TCERG1L: variants seen among roughly 807,000 people sequenced by gnomAD.
TCERG1L encodes the protein transcription elongation regulator 1 like, also known as transcription elongation regulator 1-like protein.
TCERG1L carries 37 observed loss-of-function variants against 56.3 expected under a neutral mutation model. That is an observed-to-expected ratio of 0.66 (90% CI 0.51 to 0.87). The LOEUF (loss-of-function observed/expected upper bound fraction) is 0.87, where lower values mean the gene tolerates loss of function less well. TCERG1L is among the 40% of genes least tolerant of loss of function. The pLI is 0.00. For missense variants in TCERG1L, 799 were observed against 774.2 expected (o/e 1.03, Z -0.38); for synonymous variants, 324 against 326.3 (o/e 0.99, Z 0.08).
intron 6 of TCERG1L, chr10:131,162,155 T>G (rs1390789442): frequency 6.6e-6 from 1 of 152,168 alleles, no homozygotes; most frequent in African/African-American, 2.4e-5. Flanking sequence ...TAACTCCCAG[T>G]AGTTAGCATC....
At chr10:131,262,053 T>C (rs1846241942) in intron 3 of TCERG1L, among the ~76,000 whole-genome samples, 1 of 151,874 alleles carries the variant, frequency 6.6e-6, no homozygotes, top group African/African-American at 2.4e-5. Flanking sequence ...AGGCACAGCA[T>C]ACAGGGAGAT....
intron 4 of TCERG1L, among the ~76,000 whole-genome samples, chr10:131,255,297 A>C (rs981252997): frequency 3.9e-5 from 6 of 152,262 alleles, no homozygotes; most frequent in Admixed American, 2.6e-4. Flanking sequence ...CTTTAAAGAA[A>C]GCATATATCT....
chr10:131,202,975 G>A (rs962479104), intron 4 of TCERG1L, among the ~76,000 whole-genome samples: 1 of 152,202 alleles, frequency 6.6e-6, no homozygotes, highest in Non-Finnish European at 1.5e-5. Context: ...CATCCTAAGT[G>A]GAAGTTTGAG....
At chr10:131,120,445 G>A (rs903894744) in intron 8 of TCERG1L, among the ~76,000 whole-genome samples, 1 of 152,204 alleles carries the variant, frequency 6.6e-6, no homozygotes, top group African/African-American at 2.4e-5. Flanking sequence ...TAAACCCTCA[G>A]AGGCACTTCT....
At chr10:131,280,087 A>G (rs1846435022) in intron 3 of TCERG1L, among the ~76,000 whole-genome samples, 1 of 152,220 alleles carries the variant, frequency 6.6e-6, no homozygotes, top group Non-Finnish European at 1.5e-5. Flanking sequence ...GGTCCTGGTG[A>G]CATGTGCCCA....
chr10:131,248,447 T>C (rs909319686), intron 4 of TCERG1L, among the ~76,000 whole-genome samples: 2 of 146,734 alleles, frequency 1.4e-5, no homozygotes, highest in African/African-American at 2.6e-5. Flanking sequence ...CAGGCTGATC[T>C]CTCTCTCTCT....
chr10:131,285,212 T>C (rs1470620965), intron 3 of TCERG1L, among the ~76,000 whole-genome samples: 1 of 151,896 alleles, frequency 6.6e-6, no homozygotes, highest in Non-Finnish European at 1.5e-5. Context: ...ACCCTGTCTC[T>C]ACTAAAAATA....
At chr10:131,247,403 C>A (rs1846051620) in intron 4 of TCERG1L, among the ~76,000 whole-genome samples, 1 of 152,198 alleles carries the variant, frequency 6.6e-6, no homozygotes, top group Admixed American at 6.5e-5. Context: ...ATCAGCATCA[C>A]CTACCAGCCC....
chr10:131,128,188 G>C (rs1845581519), intron 8 of TCERG1L, among the ~76,000 whole-genome samples: 1 of 152,158 alleles, frequency 6.6e-6, no homozygotes, highest in Non-Finnish European at 1.5e-5. Flanking sequence ...GAACCCAAGA[G>C]TGAATAAATG....
intron 4 of TCERG1L, among the ~76,000 whole-genome samples, chr10:131,199,931 C>G (rs34108252): frequency 0.028 from 4,281 of 152,306 alleles, 65 homozygotes; most frequent in Non-Finnish European, 0.038. Flanking sequence ...CTGGCTCTAG[C>G]AAAGGCTGTA....
intron 4 of TCERG1L, among the ~76,000 whole-genome samples, chr10:131,213,399 A>G (rs1268224704): frequency 6.6e-6 from 1 of 152,232 alleles, no homozygotes; most frequent in African/African-American, 2.4e-5. Context: ...ATAAGACTTC[A>G]TGTTATAAAA....
At chr10:131,204,029 C>T (rs1282483273) in intron 4 of TCERG1L, among the ~76,000 whole-genome samples, 2 of 152,210 alleles carry the variant, frequency 1.3e-5, no homozygotes, top group African/African-American at 4.8e-5. Flanking sequence ...GTGATGAGAG[C>T]AGAGCCCTCA....
intron 4 of TCERG1L, among the ~76,000 whole-genome samples, chr10:131,198,864 C>T (rs1002702801): frequency 5.9e-5 from 9 of 152,256 alleles, no homozygotes; most frequent in Non-Finnish European, 8.8e-5. Flanking sequence ...TCATGCACCC[C>T]GTGCACCTGC....
chr10:131,146,533 G>T lies in TCERG1L; in HGVS notation c.1162C>A (p.His388Asn). The T allele has an allele frequency of 6.2e-7, 1 of 1,611,418 alleles. No homozygotes were observed. The highest frequency in any genetic ancestry group is 1.7e-5 in the Admixed American group (1 of 59,760). Residue 388 changes from histidine (H) to asparagine (N), a missense_variant, in exon 7 of 12, where the codon CAC becomes AAC. Physicochemically the swap from His to Asn is moderately conservative, Grantham distance 68 (BLOSUM62 1). Coordinates refer to ENST00000368642, the MANE Select transcript of TCERG1L (RefSeq NM_174937.4). ...DLNRIIEDPPHKRKLEAPATD... is the reference protein window; with the variant it reads ...DLNRIIEDPPNKRKLEAPATD... ...GCTGGTGCCTCCAGCTTGCGTTTGTGGGGCGGGTCCTCAATGATCCTGTTG... is the reference window on the plus strand; with the variant it reads ...GCTGGTGCCTCCAGCTTGCGTTTGTTGGGCGGGTCCTCAATGATCCTGTTG...
intron 4 of TCERG1L, among the ~76,000 whole-genome samples, chr10:131,238,922 A>T (rs1335007060): frequency 2.0e-5 from 3 of 152,198 alleles, no homozygotes; most frequent in Non-Finnish European, 4.4e-5. Context: ...GTCCATGCCA[A>T]CGTCCCCATG....
intron 3 of TCERG1L, among the ~76,000 whole-genome samples, chr10:131,265,122 A>T (rs1269105766): frequency 6.6e-6 from 1 of 152,112 alleles, no homozygotes; most frequent in Non-Finnish European, 1.5e-5. Flanking sequence ...GCCTTTCATA[A>T]TGAGTGAAAA....
At chr10:131,224,606 C>G (rs1474456892) in intron 4 of TCERG1L, among the ~76,000 whole-genome samples, 3 of 152,294 alleles carry the variant, frequency 2.0e-5, no homozygotes, top group South Asian at 2.1e-4. Flanking sequence ...CTGGACTAAG[C>G]TGTGCGGCCT....
At chr10:131,291,647 C>T (rs1406210099) in intron 3 of TCERG1L, among the ~76,000 whole-genome samples, 11 of 151,440 alleles carry the variant, frequency 7.3e-5, no homozygotes, top group Admixed American at 2.6e-4. Flanking sequence ...AAGGTGGTCT[C>T]GATCTCCTGA....
chr10:131,219,804 A>T (rs1357122997), intron 4 of TCERG1L, among the ~76,000 whole-genome samples: 1 of 152,218 alleles, frequency 6.6e-6, no homozygotes, highest in Non-Finnish European at 1.5e-5. Flanking sequence ...TTACAGTACA[A>T]CAGTGTTAAC....
Sources: gnomAD v4.1 joint callset for allele counts (sites outside exome capture counted in the v4.1 genomes callset) on GRCh38, gnomAD v4.1.1 for gene constraint, MANE v1.5 for transcripts, NCBI Gene and HGNC (gene_info 2026-07-23, HGNC 2026-07-21) for gene names.